The following KCNIP4 variants were observed in gnomAD, a reference collection of about 807,000 sequenced individuals.
KCNIP4 encodes the protein potassium voltage-gated channel interacting protein 4, also known as Kv channel-interacting protein 4.
In KCNIP4, 12 loss-of-function variants were observed where a neutral mutation model predicts 34.0. The observed-to-expected ratio is 0.35, with a 90% confidence interval of 0.23 to 0.57. The LOEUF (loss-of-function observed/expected upper bound fraction) is 0.57, where lower values mean the gene tolerates loss of function less well. KCNIP4 is among the 20% of genes least tolerant of loss of function. The pLI is 0.83. For synonymous variants in KCNIP4, 124 were observed against 102.2 expected (o/e 1.21, Z -1.29); for missense variants, 238 against 311.7 (o/e 0.76, Z 1.78).
chr4:20,984,029 G>A, intron 1 of KCNIP4: 1 of 1,485,146 alleles, frequency 6.7e-7, no homozygotes, highest in Non-Finnish European at 8.9e-7. Flanking sequence ...ACTTGCAAGG[G>A]GAAAAAGTGA....
chr4:21,388,525 T>C (rs1018592342), intron 1 of KCNIP4, among the ~76,000 whole-genome samples: 1 of 152,156 alleles, frequency 6.6e-6, no homozygotes, highest in Non-Finnish European at 1.5e-5. Flanking sequence ...ACATATCATA[T>C]AATTTAACCT....
intron 1 of KCNIP4, among the ~76,000 whole-genome samples, chr4:21,207,863 G>C (rs1756957765): frequency 9.4e-6 from 1 of 106,268 alleles, no homozygotes; most frequent in Non-Finnish European, 1.8e-5. Flanking sequence ...TTTTTTCTGA[G>C]ACATAGTCTG....
chr4:21,433,840 T>G (rs1726716677), intron 1 of KCNIP4, among the ~76,000 whole-genome samples: 1 of 152,184 alleles, frequency 6.6e-6, no homozygotes, highest in Admixed American at 6.5e-5. Context: ...ACTATCGACT[T>G]GCTTCCATAT....
chr4:20,883,497 C>T (rs1453179280), intron 1 of KCNIP4, among the ~76,000 whole-genome samples: 1 of 152,106 alleles, frequency 6.6e-6, no homozygotes, highest in African/African-American at 2.4e-5. Flanking sequence ...CTTTTGATGT[C>T]AGGAGCCAAC....
In KCNIP4 at chr4:20,856,292, T is replaced by C. The variant is rs1721563271; in HGVS notation, c.164-5625A>G. ...TAATCTTCTTTTGAATCATTTATAG[T>C]GCAAGTTCTTCAACCTAAAATGTTC... is the stretch of plus-strand genomic sequence containing the variant. On this transcript the variant is annotated intron_variant, in intron 2 of 8. Coordinates refer to ENST00000382152, the MANE Select transcript of KCNIP4 (RefSeq NM_025221.6). Among the ~76,000 whole-genome samples, 2 of 152,224 alleles carry C rather than the reference T, an allele frequency of 1.3e-5. 1 individual carries two copies. The highest frequency in any genetic ancestry group is 4.1e-4 in the South Asian group (2 of 4,830).
intron 1 of KCNIP4, among the ~76,000 whole-genome samples, chr4:21,229,268 G>A (rs1404859708): frequency 6.6e-6 from 1 of 152,110 alleles, no homozygotes; most frequent in South Asian, 2.1e-4. Context: ...ATATTCTCTA[G>A]AGATCATTCC....
At chr4:21,102,451 G>A (rs1364204254) in intron 1 of KCNIP4, among the ~76,000 whole-genome samples, 1 of 152,134 alleles carries the variant, frequency 6.6e-6, no homozygotes, top group Non-Finnish European at 1.5e-5. Context: ...AATGAGGCCA[G>A]CCTTGGACAT....
chr4:20,843,700 A>G (rs932920973), intron 3 of KCNIP4, among the ~76,000 whole-genome samples: 1 of 152,214 alleles, frequency 6.6e-6, no homozygotes, highest in African/African-American at 2.4e-5. Context: ...ACTGCATTCC[A>G]GCCTGGGTGA....
intron 3 of KCNIP4, among the ~76,000 whole-genome samples, chr4:20,792,094 C>G (rs2149405175): frequency 6.6e-6 from 1 of 152,308 alleles, no homozygotes; most frequent in South Asian, 2.1e-4. Flanking sequence ...AAGATAGAGG[C>G]TGGGTGCAAT....
chr4:21,519,719 T>TACACGTGTGTGTATGTATGTGTATATAC (rs1735299449), intron 1 of KCNIP4, among the ~76,000 whole-genome samples: 2 of 123,876 alleles, frequency 1.6e-5, no homozygotes, highest in Admixed American at 1.7e-4. Context: ...TGTGTATATA[T>TACACGTGTGTGTATGTATGTGTATATAC]ACACACGTGT....
chr4:21,560,936 G>A (rs1401255724), intron 1 of KCNIP4, among the ~76,000 whole-genome samples: 1 of 152,010 alleles, frequency 6.6e-6, no homozygotes, highest in East Asian at 1.9e-4. Context: ...ATAGCAAGTA[G>A]ATTGTACTGC....
chr4:20,802,220 CTATACATAT>C lies in KCNIP4; in HGVS notation c.289-43339_289-43331del, dbSNP rs1560475580. On this transcript the variant is annotated intron_variant, in intron 3 of 8. Transcript: ENST00000382152. Reference sequence around the variant, plus strand: ...GCTATATATATATGCTACATATATGCTATACATATGCTACATATATGCTATATATATGCT... The same window carrying C: ...GCTATATATATATGCTACATATATGCGCTACATATATGCTATATATATGCT... Among the ~76,000 whole-genome samples, 359 of 56,334 alleles carry C rather than the reference CTATACATAT, an allele frequency of 6.4e-3. 15 individuals carry two copies. Among genetic ancestry groups the C allele is most frequent in the African/African-American group, 0.017 (346 of 19,846 alleles). 37.0% of individuals were successfully genotyped at this position (56,334 alleles called of 152,430 possible).
intron 1 of KCNIP4, among the ~76,000 whole-genome samples, chr4:21,245,929 G>T (rs1373271963): frequency 6.6e-6 from 1 of 152,158 alleles, no homozygotes; most frequent in African/African-American, 2.4e-5. Flanking sequence ...AGTCTTTAGA[G>T]ATTTTGCAAA....
At chr4:21,902,710 A>G (rs1394605786) in intron 1 of KCNIP4, among the ~76,000 whole-genome samples, 1 of 152,126 alleles carries the variant, frequency 6.6e-6, no homozygotes, top group Admixed American at 6.6e-5. Context: ...GAAGTTGGAA[A>G]GGTGGGTAGG....
intron 1 of KCNIP4, among the ~76,000 whole-genome samples, chr4:21,272,434 G>T (rs1276172703): frequency 6.6e-6 from 1 of 152,136 alleles, no homozygotes; most frequent in African/African-American, 2.4e-5. Context: ...TCAGTCATCA[G>T]ATCTTCATGG....
intron 3 of KCNIP4, among the ~76,000 whole-genome samples, chr4:20,800,599 T>C (rs1445852007): frequency 6.6e-6 from 1 of 152,048 alleles, no homozygotes; most frequent in Non-Finnish European, 1.5e-5. Flanking sequence ...AGAACAGAAA[T>C]CTTATAGCTA....
At chr4:21,294,559 A>G (rs1157897832) in intron 1 of KCNIP4, among the ~76,000 whole-genome samples, 4 of 152,212 alleles carry the variant, frequency 2.6e-5, no homozygotes, top group African/African-American at 9.6e-5. Flanking sequence ...ATTGTGGCTA[A>G]TAAGGTTGTT....
chr4:21,910,067 C>T (rs974644024), intron 1 of KCNIP4, among the ~76,000 whole-genome samples: 1 of 151,932 alleles, frequency 6.6e-6, no homozygotes, highest in African/African-American at 2.4e-5. Context: ...ATGATGCTAC[C>T]CTGAAAGCAT....
At chr4:21,191,279 T>C (rs1008180986) in intron 1 of KCNIP4, among the ~76,000 whole-genome samples, 1 of 152,222 alleles carries the variant, frequency 6.6e-6, no homozygotes. Flanking sequence ...TCGTGTTTAT[T>C]GGAATGTTAA....
Sources: gnomAD v4.1 joint callset for allele counts (sites outside exome capture counted in the v4.1 genomes callset) on GRCh38, gnomAD v4.1.1 for gene constraint, MANE v1.5 for transcripts, NCBI Gene and HGNC (gene_info 2026-07-23, HGNC 2026-07-21) for gene names.